ST7: variants seen among roughly 807,000 people sequenced by gnomAD.
ST7 encodes suppression of tumorigenicity 7.
A neutral mutation model predicts 78.7 loss-of-function variants in ST7; 28 were observed. That is an observed-to-expected ratio of 0.36 (90% CI 0.26 to 0.49). The LOEUF is 0.49. Ranked by LOEUF, ST7 falls within the 20% of genes least tolerant of loss-of-function variation. ST7 has a pLI of 0.99. For missense variants in ST7, 418 were observed against 696.0 expected (o/e 0.60, Z 4.49); for synonymous variants, 247 against 249.6 (o/e 0.99, Z 0.10).
At chr7:117,045,811 C>T (rs962387452) in intron 1 of ST7, among the ~76,000 whole-genome samples, 1 of 152,168 alleles carries the variant, frequency 6.6e-6, no homozygotes, top group African/African-American at 2.4e-5. Flanking sequence ...AAGTATTAAG[C>T]TCTGTGCTGA....
intron 1 of ST7, among the ~76,000 whole-genome samples, chr7:117,043,307 G>A (rs1797326777): frequency 6.6e-6 from 1 of 152,160 alleles, no homozygotes; most frequent in Non-Finnish European, 1.5e-5. Flanking sequence ...TATAGTCTTA[G>A]AGTTGTTGTT....
At position 117,154,904 on chromosome 7, in the gene ST7, A is replaced by C. The variant is rs576772299; in HGVS notation, c.964-15958A>C. ...TGGGCCGTGGGCTCTAGGTTGGAGA[A>C]GGGAGGAAGGGGAGGGAGTGTAAGA... is the stretch of plus-strand genomic sequence containing the variant. On this transcript the variant is annotated intron_variant, in intron 9 of 15. Transcript: ENST00000323984. 5.3e-5 allele frequency among the ~76,000 whole-genome samples: 8 copies of C among 152,220 alleles called. No individual in the cohort carries two copies. In the East Asian group the frequency reaches 1.4e-3, roughly 26 times the overall value.
At chr7:116,969,337 T>C (rs1793299958) in intron 1 of ST7, among the ~76,000 whole-genome samples, 1 of 152,224 alleles carries the variant, frequency 6.6e-6, no homozygotes, top group South Asian at 2.1e-4. Context: ...TTAACAATTT[T>C]GAGGAGTACC....
chr7:117,025,792 G>A (rs914289037), intron 1 of ST7, among the ~76,000 whole-genome samples: 1 of 151,984 alleles, frequency 6.6e-6, no homozygotes, highest in Non-Finnish European at 1.5e-5. Context: ...TGAAATTTCC[G>A]TTTGAGTTCC....
intron 1 of ST7, among the ~76,000 whole-genome samples, chr7:117,061,972 A>G (rs1392874103): frequency 2.0e-5 from 3 of 152,190 alleles, no homozygotes; most frequent in African/African-American, 7.2e-5. Flanking sequence ...GGGTGGCTCA[A>G]CAGGAATTTC....
intron 1 of ST7, among the ~76,000 whole-genome samples, chr7:117,054,093 C>T (rs751416894): frequency 3.9e-5 from 6 of 152,142 alleles, no homozygotes; most frequent in Non-Finnish European, 7.3e-5. Context: ...CCACCTCAGC[C>T]TCCCAAAGTG....
intron 1 of ST7, among the ~76,000 whole-genome samples, chr7:117,023,805 C>T (rs13232481): frequency 9.0e-4 from 132 of 146,474 alleles, no homozygotes; most frequent in Non-Finnish European, 1.7e-3. Flanking sequence ...CGTGTGTGTG[C>T]GTGTGTGTGT....
intron 3 of ST7, among the ~76,000 whole-genome samples, chr7:117,122,355 G>A (rs141465894): frequency 1.3e-5 from 2 of 152,266 alleles, no homozygotes; most frequent in East Asian, 1.9e-4. Flanking sequence ...GAGGAGTGAT[G>A]TGATCAGATC....
chr7:117,004,001 A>G (rs13223597), intron 1 of ST7, among the ~76,000 whole-genome samples: 2 of 152,208 alleles, frequency 1.3e-5, no homozygotes, highest in African/African-American at 4.8e-5. Context: ...TCTGTTGTCT[A>G]CCTTTTAAAT....
chr7:116,983,812 A>G (rs1794073097), intron 1 of ST7, among the ~76,000 whole-genome samples: 1 of 152,028 alleles, frequency 6.6e-6, no homozygotes, highest in African/African-American at 2.4e-5. Flanking sequence ...CACCTTTATG[A>G]TTGATTCTCC....
At chr7:117,084,728 A>T (rs1364235000) in intron 1 of ST7, among the ~76,000 whole-genome samples, 1 of 148,908 alleles carries the variant, frequency 6.7e-6, no homozygotes, top group African/African-American at 2.6e-5. Context: ...TGCTGCCATT[A>T]TTATTATTCA....
intron 9 of ST7, among the ~76,000 whole-genome samples, chr7:117,164,410 T>C (rs1563134407): frequency 6.6e-6 from 1 of 152,138 alleles, no homozygotes; most frequent in Non-Finnish European, 1.5e-5. Context: ...CAGAATGTGA[T>C]AGAAACAATG....
intron 9 of ST7, among the ~76,000 whole-genome samples, chr7:117,166,996 A>G (rs1418899771): frequency 6.6e-6 from 1 of 151,892 alleles, no homozygotes; most frequent in Non-Finnish European, 1.5e-5. Context: ...TAGGCAACGT[A>G]TGAGGGGCAT....
intron 9 of ST7, among the ~76,000 whole-genome samples, chr7:117,160,259 G>A (rs1474917574): frequency 2.7e-5 from 4 of 150,316 alleles, no homozygotes; most frequent in African/African-American, 9.8e-5. Flanking sequence ...AAGAAAGAAA[G>A]AAAACAAAAC....
chr7:117,105,675 G>C (rs1233862264), intron 2 of ST7, among the ~76,000 whole-genome samples: 1 of 152,234 alleles, frequency 6.6e-6, no homozygotes, highest in African/African-American at 2.4e-5. Flanking sequence ...TTAACAATCT[G>C]TTGTGTATTT....
intron 1 of ST7, among the ~76,000 whole-genome samples, chr7:116,995,194 G>T (rs1794598560): frequency 6.6e-6 from 1 of 152,140 alleles, no homozygotes. Flanking sequence ...ATAGATGGAA[G>T]ACAGAAAAGA....
chr7:116,968,516 A>T, intron 1 of ST7: 1 of 411,008 alleles, frequency 2.4e-6, no homozygotes, highest in South Asian at 1.7e-5. Flanking sequence ...TTAGAAAAGG[A>T]CTTTATGTTG....
intron 1 of ST7, among the ~76,000 whole-genome samples, chr7:117,049,286 C>T (rs745750791): frequency 3.3e-5 from 5 of 152,262 alleles, no homozygotes; most frequent in African/African-American, 4.8e-5. Context: ...AGGGCACTTT[C>T]GTCTACATTG....
intron 1 of ST7, chr7:116,955,275 AACAGAATACC>A (rs1327451597): frequency 2.8e-6 from 1 of 353,028 alleles, no homozygotes; most frequent in Non-Finnish European, 5.6e-6. Context: ...GTGCTGCTGT[AACAGAATACC>A]ACAGATTGGG....
Sources: gnomAD v4.1 joint callset for allele counts (sites outside exome capture counted in the v4.1 genomes callset) on GRCh38, gnomAD v4.1.1 for gene constraint, MANE v1.5 for transcripts, NCBI Gene and HGNC (gene_info 2026-07-23, HGNC 2026-07-21) for gene names.